Variants in EIF2B5 observed in about 807,000 individuals in gnomAD.
The protein encoded by EIF2B5 is translation initiation factor eIF2B subunit epsilon.
EIF2B5 carries 38 observed loss-of-function variants against 87.3 expected under a neutral mutation model. That is an observed-to-expected ratio of 0.44 (90% CI 0.34 to 0.57). The LOEUF is 0.57. Among genes scored for constraint, EIF2B5 ranks in the 20% least tolerant of loss-of-function variants. The pLI is 0.02. For synonymous variants in EIF2B5, 313 were observed against 339.6 expected, an observed-to-expected ratio of 0.92 and a Z score of 0.86; for missense variants, 784 against 909.5, an observed-to-expected ratio of 0.86 and a Z score of 1.78.
rs1386860457 is a variant in EIF2B5 at position 184,142,488 on chromosome 3, A to C, written c.1445-14A>C. On this transcript the variant is annotated splice_polypyrimidine_tract_variant and intron_variant, in intron 9 of 15. Coordinates refer to ENST00000648915, the MANE Select transcript of EIF2B5 (RefSeq NM_003907.3). The surrounding 1 kb of genome is among the most constrained non-coding windows in gnomAD (Gnocchi z 5.0). ...TTCCGCCGGGCCCTCTCTATAGATCATTGCCTTTTCCAGGTTACAATCCAG... is the reference window on the plus strand; with the variant it reads ...TTCCGCCGGGCCCTCTCTATAGATCCTTGCCTTTTCCAGGTTACAATCCAG... 1 of 1,614,056 alleles carries C rather than the reference A, an allele frequency of 6.2e-7. No homozygotes were observed. The highest frequency in any genetic ancestry group is 8.5e-7 in the Non-Finnish European group (1 of 1,179,990).
chr3:184,143,995 C>T, intron 13 of EIF2B5, 104 bp from the exon 14 acceptor site: 1 of 1,537,286 alleles, frequency 6.5e-7, no homozygotes, highest in South Asian at 1.1e-5. Context: ...GAACCTGTAT[C>T]ATCTCCCTTT....
At position 184,137,776 on chromosome 3, in the gene EIF2B5, C is replaced by T. The variant is rs775212142; in HGVS notation, c.477C>T (p.Ile159=). ...TGTATGGGGATGTCATCTCAAACAT[C>T]AATATCACCAGAGCCCTTGAGGAAC... is the stretch of plus-strand genomic sequence containing the variant. ...LLVYGDVISN[I]NITRALEEHR... is the part of the protein sequence containing the mutation. Residue 159 remains isoleucine, a synonymous_variant, in exon 3 of 16, where the codon ATC becomes ATT. Coordinates refer to ENST00000648915, the MANE Select transcript of EIF2B5 (RefSeq NM_003907.3). The T allele has an allele frequency of 6.2e-7, 1 of 1,614,182 alleles. No individual in the cohort carries two copies. The highest frequency in any genetic ancestry group is 1.1e-5 in the South Asian group (1 of 91,080).
Position 184,142,285 on chromosome 3 carries a change from T to C in EIF2B5, c.1351T>C (p.Leu451=). 6.2e-7 allele frequency: 1 copy of C among 1,614,128 alleles called. No individual in the cohort carries two copies. Residue 451 remains leucine (L), a synonymous_variant, in exon 9 of 16, where the codon TTG becomes CTG. Transcript: ENST00000648915. The surrounding 1 kb of genome is among the most constrained non-coding windows in gnomAD (Gnocchi z 5.0). ...GCTGCCTGAGGGCTCGGTGATCTCT[T>C]TGCACCCTCCAGATGCAGAGGAAGA... ...ITLPEGSVIS[L]HPPDAEEDED... is the part of the protein sequence containing the mutation.
rs1342267551 is a variant in EIF2B5, at chr3:184,143,423, C to T, written c.1746-19C>T. The T allele has an allele frequency of 3.1e-6, 5 of 1,614,054 alleles. No individual in the cohort carries two copies. The highest frequency in any genetic ancestry group is 4.5e-5 in the East Asian group (2 of 44,898). On this transcript the variant is annotated intron_variant, in intron 12 of 15. Coordinates refer to ENST00000648915, the MANE Select transcript of EIF2B5 (RefSeq NM_003907.3). ...GAAAGGCCAGTGAAGGCCCTGGTGT[C>T]ACCCCAGTCTCCCCACAGGTATGCC...
At chr3:184,144,530 G>T in intron 14 of EIF2B5, 67 bp from the exon 15 acceptor site, 3 of 1,413,216 alleles carry the variant, frequency 2.1e-6, no homozygotes, top group Middle Eastern at 4.6e-4. Flanking sequence ...AGGGATCTGA[G>T]GGCCTGGTAG....
At chr3:184,140,781 G>T in intron 7 of EIF2B5, 51 bp downstream of exon 7, 1 of 1,601,198 alleles carries the variant, frequency 6.2e-7, no homozygotes. Flanking sequence ...AGGAACCTGG[G>T]GGGGCCACGT....
Position 184,140,095 on chromosome 3 carries a change from A to G in EIF2B5, c.781A>G (p.Thr261Ala), listed in dbSNP as rs1229141610. 6.2e-7 allele frequency: 1 copy of G among 1,613,450 alleles called. No individual in the cohort carries two copies. Among genetic ancestry groups the G allele is most frequent in the Non-Finnish European group, 8.5e-7 (1 of 1,179,640 alleles). Reference sequence around the variant, plus strand: ...CCTTCCACAGGTGGCACAACTCTTTACAGACAACTTTGACTACCAAACTCG... The same window carrying G: ...CCTTCCACAGGTGGCACAACTCTTTGCAGACAACTTTGACTACCAAACTCG... The part of the protein sequence containing the change: ...ICSPQVAQLF[T>A]DNFDYQTRDD... The change falls in exon 6 of 16, where the codon ACA (threonine) becomes GCA (alanine). Residue 261 changes from threonine to alanine, a missense_variant. Coordinates refer to ENST00000648915, the MANE Select transcript of EIF2B5 (RefSeq NM_003907.3).
Position 184,137,893 on chromosome 3 carries a change from T to C in EIF2B5, c.507-5T>C. On this transcript the variant is annotated splice_region_variant and splice_polypyrimidine_tract_variant and intron_variant, in intron 3 of 15. Coordinates refer to ENST00000648915, the MANE Select transcript of EIF2B5 (RefSeq NM_003907.3). Reference sequence around the variant, plus strand: ...TTGCAGTTCTGTCCCTCCTGTCCTTTATAGGTTGAGACGGAAGCTAGAAAA... The same window carrying C: ...TTGCAGTTCTGTCCCTCCTGTCCTTCATAGGTTGAGACGGAAGCTAGAAAA... The C allele has an allele frequency of 2.5e-6, 4 of 1,614,172 alleles. No individual in the cohort carries two copies. Among genetic ancestry groups the C allele is most frequent in the African/African-American group, 1.3e-5 (1 of 75,038 alleles).
rs896212763 is a variant in EIF2B5, at chr3:184,144,348, T to C, written c.1995+124T>C. On this transcript the variant is annotated intron_variant, in intron 14 of 15. Coordinates refer to ENST00000648915, the MANE Select transcript of EIF2B5 (RefSeq NM_003907.3). The stretch of plus-strand genomic sequence containing the variant: ...TATGGACCATCCACTCCCAATATGC[T>C]TATTGCTAGAATAGTACAGCTTGGA... 2.0e-5 allele frequency: 29 copies of C among 1,480,984 alleles called. No homozygotes were observed. The African/African-American group carries it at 4.0e-4, about 20-fold the overall frequency. 91.7% of individuals were successfully genotyped at this position (1,480,984 alleles called of 1,614,324 possible). A position where few individuals can be genotyped will look rare whatever the true frequency, so the allele number is the denominator to read the frequency against.
At position 184,143,574 on chromosome 3, in the gene EIF2B5, A is replaced by G. The variant is rs1333959036; in HGVS notation, c.1869+9A>G. ...GTGCCCTGCTGCTTCCTGTGAGCAA[A>G]GATTGGAGCTGAGTACAAGGGATTG... is the stretch of plus-strand genomic sequence containing the variant. On this transcript the variant is annotated intron_variant, in intron 13 of 15. Coordinates refer to ENST00000648915, the MANE Select transcript of EIF2B5 (RefSeq NM_003907.3). The G allele has an allele frequency of 4.3e-6, 7 of 1,614,022 alleles. No homozygotes were observed.
At position 184,142,398 on chromosome 3, in the gene EIF2B5, T is replaced by TGG; in HGVS notation, c.1444+23_1444+24dup. On this transcript the variant is annotated intron_variant, in intron 9 of 15. Transcript: ENST00000648915. This position sits in a 1 kb window ranked among gnomAD's most constrained non-coding sequence, Gnocchi z 5.0. ...TGAAAGGTGTGAGACTCAACAGGTGTGGGGCATCTGTGTGTCTCGCTGCCT... is the reference window on the plus strand; with the variant it reads ...TGAAAGGTGTGAGACTCAACAGGTGTGGGGGGCATCTGTGTGTCTCGCTGCCT... The TGG allele has an allele frequency of 6.2e-7, 1 of 1,614,174 alleles. No individual in the cohort carries two copies.
rs373024822 is a variant in EIF2B5, at chr3:184,137,729, G to T, written c.430G>T (p.Val144Leu). 1.9e-6 allele frequency: 3 copies of T among 1,614,066 alleles called. No homozygotes were observed. The African/African-American group carries it at 4.0e-5, about 22-fold the overall frequency. Residue 144 changes from valine (V) to leucine (L), a missense_variant, in exon 3 of 16, where the codon GTG becomes TTG. Coordinates refer to ENST00000648915, the MANE Select transcript of EIF2B5 (RefSeq NM_003907.3). ...VLRDVDAKAL[V>L]RSDFLLVYGD... ...CCGTGATGTTGATGCCAAGGCTTTG[G>T]TGCGCTCTGACTTTCTTCTGGTGTA...
In EIF2B5 at chr3:184,142,734, C is replaced by T. The variant is rs886070569; in HGVS notation, c.1547-45C>T. 2 of 1,586,324 alleles carry T rather than the reference C, an allele frequency of 1.3e-6. No individual in the cohort carries two copies. Among genetic ancestry groups the T allele is most frequent in the Admixed American group, 1.8e-5 (1 of 56,730 alleles). ...ACAGGGCAGGTATATTGCTCTCTGT[C>T]AATGACTCTTTTTTTCTTTTTCCTC... On this transcript the variant is annotated intron_variant, in intron 10 of 15. Transcript: ENST00000648915. This position sits in a 1 kb window ranked among gnomAD's most constrained non-coding sequence, Gnocchi z 5.0.
chr3:184,136,578 G>A, intron 1 of EIF2B5, 34 bp from the exon 2 acceptor site: 1 of 1,613,550 alleles, frequency 6.2e-7, no homozygotes, highest in Non-Finnish European at 8.5e-7. Context: ...AGGGATTCGA[G>A]ACCTCAAGTT....
intron 1 of EIF2B5, 83 bp from the exon 2 acceptor site, chr3:184,136,529 C>T: frequency 1.3e-6 from 2 of 1,542,912 alleles, no homozygotes; most frequent in Non-Finnish European, 1.8e-6. Flanking sequence ...TTTGGAAATA[C>T]GAATAGAGGA....
At chr3:184,140,018 T>C in intron 5 of EIF2B5, 62 bp from the exon 6 acceptor site, 2 of 1,308,044 alleles carry the variant, frequency 1.5e-6, no homozygotes, top group Non-Finnish European at 1.1e-6. Context: ...GCTAGACTTG[T>C]CTCAAAAAAA....
chr3:184,137,076 T>A (rs1203369485), intron 2 of EIF2B5: 1 of 369,702 alleles, frequency 2.7e-6, no homozygotes, highest in Non-Finnish European at 5.0e-6. Flanking sequence ...CTAAATCTTG[T>A]TTGTTCTCAC....
At chr3:184,139,136 T>A (rs1042655466) in intron 5 of EIF2B5, among the ~76,000 whole-genome samples, 1 of 151,234 alleles carries the variant, frequency 6.6e-6, no homozygotes, top group African/African-American at 2.4e-5. Context: ...CATCCGGCTA[T>A]TTTTTGTATT....
intron 14 of EIF2B5, 69 bp from the exon 15 acceptor site, chr3:184,144,528 G>T: frequency 7.1e-7 from 1 of 1,399,890 alleles, no homozygotes; most frequent in Non-Finnish European, 1.0e-6. Flanking sequence ...AGAGGGATCT[G>T]AGGGCCTGGT....
Sources: allele counts gnomAD v4.1 joint callset (sites outside exome capture counted in the v4.1 genomes callset), GRCh38; gene constraint gnomAD v4.1.1; non-coding constraint Gnocchi (gnomAD v3.1); transcripts MANE v1.5; gene names NCBI Gene and HGNC (gene_info 2026-07-23, HGNC 2026-07-21).